GRIK4: variants seen among roughly 807,000 people sequenced by gnomAD.
The protein encoded by GRIK4 is glutamate ionotropic receptor kainate type subunit 4, also known as glutamate receptor ionotropic, kainate 4.
GRIK4 carries 40 observed loss-of-function variants against 104.9 expected under a neutral mutation model. The observed-to-expected ratio is 0.38, with a 90% CI of 0.30 to 0.50. GRIK4 has a LOEUF of 0.50. Ranked by LOEUF, GRIK4 falls within the 20% of genes least tolerant of loss-of-function variation. The pLI, the probability that GRIK4 is intolerant of heterozygous loss-of-function variation, is 0.93. For missense variants in GRIK4, 1,047 were observed against 1,308.1 expected (o/e 0.80, Z 3.08); for synonymous variants, 485 against 524.9 (o/e 0.92, Z 1.04).
intron 3 of GRIK4, among the ~76,000 whole-genome samples, chr11:120,754,601 T>G (rs1203847253): frequency 6.6e-6 from 1 of 152,246 alleles, no homozygotes; most frequent in African/African-American, 2.4e-5. Context: ...CTCTTGGATA[T>G]ATACCTAGGA....
intron 18 of GRIK4, among the ~76,000 whole-genome samples, chr11:120,963,771 C>T (rs655824): frequency 0.95 from 144,160 of 152,218 alleles, 68,289 homozygotes; most frequent in East Asian, 1. Flanking sequence ...GTGTTCTGGT[C>T]ACTGGCTGTG....
At chr11:120,561,226 C>T (rs12283999) in intron 1 of GRIK4, among the ~76,000 whole-genome samples, 8 of 150,328 alleles carry the variant, frequency 5.3e-5, no homozygotes, top group Non-Finnish European at 1.0e-4. Flanking sequence ...CTGGGTTTAG[C>T]GGCAGCCAGG....
intron 3 of GRIK4, among the ~76,000 whole-genome samples, chr11:120,786,016 C>T (rs1952263705): frequency 6.6e-6 from 1 of 152,214 alleles, no homozygotes; most frequent in South Asian, 2.1e-4. Context: ...CCCAGTGCAA[C>T]CTTCAAACAT....
At chr11:120,542,095 G>A (rs1948043632) in intron 1 of GRIK4, among the ~76,000 whole-genome samples, 1 of 152,108 alleles carries the variant, frequency 6.6e-6, no homozygotes, top group South Asian at 2.1e-4. Context: ...ATATGGTACT[G>A]GCATAAAAAC....
chr11:120,656,413 A>G (rs896436520), intron 2 of GRIK4, among the ~76,000 whole-genome samples: 106 of 152,264 alleles, frequency 7.0e-4, no homozygotes, highest in African/African-American at 2.5e-3. Flanking sequence ...CTGTGCAAAG[A>G]TTTTTGCAAG....
chr11:120,949,656 G>A (rs538673682), intron 14 of GRIK4, among the ~76,000 whole-genome samples: 6 of 152,148 alleles, frequency 3.9e-5, no homozygotes, highest in Admixed American at 6.5e-5. Context: ...GAGAAGGCGT[G>A]GGATTAATTA....
At chr11:120,917,570 C>T (rs1275442863) in intron 13 of GRIK4, among the ~76,000 whole-genome samples, 1 of 152,234 alleles carries the variant, frequency 6.6e-6, no homozygotes, top group African/African-American at 2.4e-5. Context: ...TGCAGGTGCG[C>T]TGCTTAAATC....
intron 1 of GRIK4, among the ~76,000 whole-genome samples, chr11:120,516,572 T>C (rs1360245175): frequency 6.6e-6 from 1 of 151,712 alleles, no homozygotes; most frequent in East Asian, 1.9e-4. Flanking sequence ...TGCAGCAGGC[T>C]CGGGGGAGCC....
intron 1 of GRIK4, among the ~76,000 whole-genome samples, chr11:120,566,008 G>A (rs1948317795): frequency 6.6e-6 from 1 of 152,156 alleles, no homozygotes; most frequent in African/African-American, 2.4e-5. Context: ...GAAAGTAGGC[G>A]TCATTGTCTC....
intron 11 of GRIK4, among the ~76,000 whole-genome samples, chr11:120,889,413 T>G (rs1325139859): frequency 1.3e-5 from 2 of 151,972 alleles, no homozygotes; most frequent in Non-Finnish European, 2.9e-5. Flanking sequence ...GAATCACTTC[T>G]GTGCACTCAA....
chr11:120,591,859 T>A (rs1446691187), intron 1 of GRIK4, among the ~76,000 whole-genome samples: 1 of 152,182 alleles, frequency 6.6e-6, no homozygotes, highest in Non-Finnish European at 1.5e-5. Flanking sequence ...CATCCCTCCC[T>A]CCTCTTCTGT....
At chr11:120,784,086 T>C (rs1287344503) in intron 3 of GRIK4, among the ~76,000 whole-genome samples, 1 of 152,178 alleles carries the variant, frequency 6.6e-6, no homozygotes, top group Non-Finnish European at 1.5e-5. Flanking sequence ...GACTTGATAT[T>C]AATACATATC....
At chr11:120,820,552 A>G (rs1325918248) in intron 6 of GRIK4, among the ~76,000 whole-genome samples, 1 of 152,154 alleles carries the variant, frequency 6.6e-6, no homozygotes, top group East Asian at 1.9e-4. Context: ...CTTCCAGCAA[A>G]TCTGTGCATC....
At chr11:120,760,390 T>G (rs889459533) in intron 3 of GRIK4, among the ~76,000 whole-genome samples, 1 of 147,460 alleles carries the variant, frequency 6.8e-6, no homozygotes, top group Non-Finnish European at 1.5e-5. Context: ...AACATATATA[T>G]ACATATATAT....
chr11:120,758,373 C>CT (rs1218772653), intron 3 of GRIK4, among the ~76,000 whole-genome samples: 1 of 152,080 alleles, frequency 6.6e-6, no homozygotes, highest in African/African-American at 2.4e-5. Flanking sequence ...GTTTCATAAA[C>CT]TTTTTTTTCT....
chr11:120,810,065 AAAAC>A (rs1018278260), intron 4 of GRIK4, among the ~76,000 whole-genome samples: 25 of 152,212 alleles, frequency 1.6e-4, no homozygotes, highest in Admixed American at 3.9e-4. Context: ...ACACTGTCTC[AAAAC>A]AAACAAACAA....
intron 3 of GRIK4, among the ~76,000 whole-genome samples, chr11:120,689,795 TTTGTCTCTGTCTG>T (rs1950329103): frequency 1.3e-5 from 2 of 152,124 alleles, no homozygotes; most frequent in African/African-American, 4.8e-5. Flanking sequence ...CATAGCAGCT[TTTGTCTCTGTCTG>T]TTGGTTACTC....
chr11:120,623,961 C>T (rs909362592), intron 1 of GRIK4, among the ~76,000 whole-genome samples: 9 of 146,844 alleles, frequency 6.1e-5, no homozygotes, highest in Admixed American at 6.1e-4. Flanking sequence ...ACTCTTCTTC[C>T]TCCCCCTTCC....
At chr11:120,654,931 C>T (rs935539996) in intron 2 of GRIK4, among the ~76,000 whole-genome samples, 45 of 152,106 alleles carry the variant, frequency 3.0e-4, no homozygotes, top group African/African-American at 1.1e-3. Flanking sequence ...CCCTTCTCGG[C>T]ATATATTACT....
Sources: allele counts gnomAD v4.1 joint callset (sites outside exome capture counted in the v4.1 genomes callset), GRCh38; gene constraint gnomAD v4.1.1; transcripts MANE v1.5; gene names NCBI Gene and HGNC (gene_info 2026-07-23, HGNC 2026-07-21).